WWOX: variants seen among roughly 807,000 people sequenced by gnomAD.
The protein encoded by WWOX is WW domain-containing oxidoreductase.
A neutral mutation model predicts 46.2 loss-of-function variants in WWOX; 69 were observed. That is an observed-to-expected ratio of 1.49 (90% confidence interval 1.23 to 1.82). The LOEUF (loss-of-function observed/expected upper bound fraction) is 1.82, where lower values mean the gene tolerates loss of function less well. Among genes scored for constraint, WWOX ranks in the 40% most tolerant of loss-of-function variants. The pLI, the probability that WWOX is intolerant of heterozygous loss-of-function variation, is 0.00. For missense variants in WWOX, 919 were observed against 542.6 expected (o/e 1.69, Z -6.89); for synonymous variants, 359 against 202.6 (o/e 1.77, Z -6.56).
chr16:78,306,352 C>G (rs779018522), intron 5 of WWOX, among the ~76,000 whole-genome samples: 1 of 152,074 alleles, frequency 6.6e-6, no homozygotes. Context: ...TTATGTGTTA[C>G]TGGTCAGGCG....
chr16:79,156,701 C>G (rs1289779532), intron 8 of WWOX, among the ~76,000 whole-genome samples: 2 of 151,740 alleles, frequency 1.3e-5, no homozygotes, highest in Admixed American at 6.6e-5. Context: ...CAGCAGGTAT[C>G]ACAGGATTTC....
chr16:78,564,021 C>G (rs1209537760), intron 8 of WWOX, among the ~76,000 whole-genome samples: 6 of 152,318 alleles, frequency 3.9e-5, no homozygotes, highest in African/African-American at 2.4e-5. Flanking sequence ...TGGGTGCGAA[C>G]AAGCCCAGGC....
intron 8 of WWOX, among the ~76,000 whole-genome samples, chr16:78,681,894 C>T (rs568212872): frequency 6.6e-6 from 1 of 152,166 alleles, no homozygotes; most frequent in Non-Finnish European, 1.5e-5. Flanking sequence ...GGCCCCACCC[C>T]GCAGAGCCCC....
chr16:78,662,561 A>G (rs934625844), intron 8 of WWOX, among the ~76,000 whole-genome samples: 5 of 152,172 alleles, frequency 3.3e-5, no homozygotes, highest in Non-Finnish European at 5.9e-5. Flanking sequence ...TGAGGAAGGC[A>G]ATGTGAGAAA....
At chr16:78,313,164 A>T (rs1315060871) in intron 5 of WWOX, among the ~76,000 whole-genome samples, 2 of 152,192 alleles carry the variant, frequency 1.3e-5, no homozygotes, top group Non-Finnish European at 2.9e-5. Flanking sequence ...GGCATGTGGT[A>T]GACTTGGAAA....
intron 8 of WWOX, among the ~76,000 whole-genome samples, chr16:78,447,944 C>G (rs2083600137): frequency 6.6e-6 from 1 of 152,112 alleles, no homozygotes. Flanking sequence ...GCTGGGATTA[C>G]AGGCACCCAC....
chr16:79,081,534 T>C (rs2150582714), intron 8 of WWOX, among the ~76,000 whole-genome samples: 1 of 152,318 alleles, frequency 6.6e-6, no homozygotes, highest in East Asian at 1.9e-4. Flanking sequence ...TACTTTGGAA[T>C]CAAACATTCT....
intron 8 of WWOX, among the ~76,000 whole-genome samples, chr16:78,498,153 C>T (rs995835436): frequency 5.0e-5 from 7 of 139,414 alleles, no homozygotes; most frequent in African/African-American, 1.0e-4. Context: ...TGCAGTGAGC[C>T]GAGATTGTGC....
At chr16:79,052,541 A>C (rs968012635) in intron 8 of WWOX, among the ~76,000 whole-genome samples, 2 of 152,232 alleles carry the variant, frequency 1.3e-5, no homozygotes, top group Non-Finnish European at 2.9e-5. Context: ...CCAAATGTCC[A>C]ACAGTGGTAG....
chr16:78,751,466 T>TAC lies in WWOX; in HGVS notation c.1056+318715_1056+318716insCA, dbSNP rs2049476453. ...ATATATATATTTATCAGATTTTATATATATATATATATATATATATATGCA... is the reference window on the plus strand; with the variant it reads ...ATATATATATTTATCAGATTTTATATACATATATATATATATATATATATGCA... On this transcript the variant is annotated intron_variant, in intron 8 of 8. Coordinates refer to ENST00000566780, the MANE Select transcript of WWOX (RefSeq NM_016373.4). Among the ~76,000 whole-genome samples the TAC allele has an allele frequency of 6.2e-5, 8 of 129,202 alleles. No individual in the cohort carries two copies. In the South Asian group the frequency reaches 1.9e-3, roughly 31 times the overall value. 84.8% of individuals were successfully genotyped at this position (129,202 alleles called of 152,430 possible). A position where few individuals can be genotyped will look rare whatever the true frequency, so the allele number is the denominator to read the frequency against.
intron 8 of WWOX, among the ~76,000 whole-genome samples, chr16:78,955,587 C>G (rs987093199): frequency 2.0e-5 from 3 of 151,934 alleles, no homozygotes; most frequent in African/African-American, 4.8e-5. Flanking sequence ...TTTATGAAAC[C>G]TCTTTTAACT....
chr16:78,700,409 C>T (rs1030031575), intron 8 of WWOX, among the ~76,000 whole-genome samples: 1 of 150,842 alleles, frequency 6.6e-6, no homozygotes, highest in Non-Finnish European at 1.5e-5. Context: ...ACCTTTGTGA[C>T]CTTATTACTT....
At chr16:78,873,267 T>A (rs1048056040) in intron 8 of WWOX, 4 of 152,236 alleles carry the variant, frequency 2.6e-5, no homozygotes, top group Non-Finnish European at 4.4e-5. Flanking sequence ...GATAGAGGTT[T>A]GAATGTCACT....
At chr16:78,712,462 A>C (rs2142327674) in intron 8 of WWOX, among the ~76,000 whole-genome samples, 1 of 151,804 alleles carries the variant, frequency 6.6e-6, no homozygotes, top group East Asian at 1.9e-4. Flanking sequence ...AGATTATACC[A>C]CTGCACTCCA....
chr16:79,024,750 T>C (rs556828424), intron 8 of WWOX, among the ~76,000 whole-genome samples: 7 of 152,152 alleles, frequency 4.6e-5, no homozygotes, highest in Non-Finnish European at 8.8e-5. Flanking sequence ...TTTTAAATTT[T>C]TCATGGAGAC....
At chr16:78,273,010 T>G (rs2079509953) in intron 5 of WWOX, among the ~76,000 whole-genome samples, 1 of 151,904 alleles carries the variant, frequency 6.6e-6, no homozygotes, top group Non-Finnish European at 1.5e-5. Flanking sequence ...TTTTGTTTGT[T>G]TATTTGTTTG....
intron 8 of WWOX, among the ~76,000 whole-genome samples, chr16:79,208,930 T>C (rs991540331): frequency 1.3e-5 from 2 of 152,094 alleles, no homozygotes; most frequent in Admixed American, 6.5e-5. Flanking sequence ...GAAAGTAGAG[T>C]GAGTACCCAT....
chr16:78,567,443 C>T (rs2044597893), intron 8 of WWOX, among the ~76,000 whole-genome samples: 1 of 150,232 alleles, frequency 6.7e-6, no homozygotes, highest in African/African-American at 2.5e-5. Context: ...GTCCCAGCTA[C>T]TCCGGAGGCT....
chr16:78,305,131 A>C (rs1416258579), intron 5 of WWOX, among the ~76,000 whole-genome samples: 1 of 152,254 alleles, frequency 6.6e-6, no homozygotes, highest in Non-Finnish European at 1.5e-5. Context: ...AAGTTGTGTA[A>C]ATCAAAGCTT....
Sources: allele counts gnomAD v4.1 joint callset (sites outside exome capture counted in the v4.1 genomes callset), GRCh38; gene constraint gnomAD v4.1.1; transcripts MANE v1.5; gene names NCBI Gene and HGNC (gene_info 2026-07-23, HGNC 2026-07-21).